The following PTPN4 variants were observed in gnomAD, a reference collection of about 807,000 sequenced individuals.
The protein encoded by PTPN4 is protein tyrosine phosphatase non-receptor type 4, also known as tyrosine-protein phosphatase non-receptor type 4.
In PTPN4, 49 loss-of-function variants were observed where a neutral mutation model predicts 135.5. The observed-to-expected ratio is 0.36, with a 90% CI of 0.29 to 0.46. The LOEUF is 0.46. Ranked by LOEUF, PTPN4 falls within the 20% of genes least tolerant of loss-of-function variation. PTPN4 has a pLI of 1.00. For synonymous variants in PTPN4, 333 were observed against 369.9 expected, an observed-to-expected ratio of 0.90 and a Z score of 1.14; for missense variants, 860 against 1,101.0, an observed-to-expected ratio of 0.78 and a Z score of 3.10.
At chr2:119,895,936 G>T (rs535274617) in intron 9 of PTPN4, among the ~76,000 whole-genome samples, 10 of 151,710 alleles carry the variant, frequency 6.6e-5, no homozygotes, top group African/African-American at 2.4e-4. Flanking sequence ...AAAAAAGAGG[G>T]GATAGCGGTC....
At chr2:119,933,991 T>C (rs1156239318) in intron 14 of PTPN4, among the ~76,000 whole-genome samples, 3 of 152,198 alleles carry the variant, frequency 2.0e-5, no homozygotes, top group Admixed American at 2.0e-4. Flanking sequence ...CACTAAACAA[T>C]AATAGCAAGT....
chr2:119,825,323 T>C (rs1408498017), intron 2 of PTPN4, among the ~76,000 whole-genome samples: 3 of 152,176 alleles, frequency 2.0e-5, no homozygotes, highest in African/African-American at 7.2e-5. Flanking sequence ...AATAGTAATG[T>C]GTGTTTATTA....
At position 119,841,211 on chromosome 2, in the gene PTPN4, TAA is replaced by T. The variant is rs972380035; in HGVS notation, c.139-21324_139-21323del. Among the ~76,000 whole-genome samples, 64 of 152,266 alleles carry T rather than the reference TAA, an allele frequency of 4.2e-4. 1 individual carries two copies. The highest frequency in any genetic ancestry group is 1.5e-3 in the African/African-American group (61 of 41,568). ...TATTTTGAAAAATATTTTTTCTCAT[TAA>T]TAAAACCCTAGAGGGTTTGAAAGTG... is the stretch of plus-strand genomic sequence containing the variant. On this transcript the variant is annotated intron_variant, in intron 2 of 26. Coordinates refer to ENST00000263708, the MANE Select transcript of PTPN4 (RefSeq NM_002830.4).
intron 2 of PTPN4, among the ~76,000 whole-genome samples, chr2:119,819,897 A>G (rs1046986938): frequency 8.5e-5 from 13 of 152,094 alleles, no homozygotes; most frequent in African/African-American, 3.1e-4. Flanking sequence ...GTCTTGCTCT[A>G]TCTTCCAGGA....
At chr2:119,847,329 T>TATA (rs59629850) in intron 2 of PTPN4, among the ~76,000 whole-genome samples, 1,093 of 64,364 alleles carry the variant, frequency 0.017, 12 homozygotes, top group East Asian at 0.037. Context: ...TATATATATA[T>TATA]TTTTTTTTTT....
intron 10 of PTPN4, among the ~76,000 whole-genome samples, chr2:119,902,534 G>A (rs1458531075): frequency 7.2e-5 from 11 of 152,212 alleles, no homozygotes; most frequent in Admixed American, 1.3e-4. Context: ...GAGTCACGGA[G>A]GCACTTGTGT....
intron 18 of PTPN4, 95 bp downstream of exon 18, chr2:119,946,669 C>A: frequency 9.8e-7 from 1 of 1,018,112 alleles, no homozygotes; most frequent in South Asian, 1.6e-5. Context: ...GGAATTTCAT[C>A]ATTTCTTTTA....
intron 2 of PTPN4, among the ~76,000 whole-genome samples, chr2:119,855,368 C>T (rs1379603649): frequency 6.6e-6 from 1 of 152,120 alleles, no homozygotes; most frequent in Non-Finnish European, 1.5e-5. Context: ...TACAAGTTCC[C>T]TTACAAGGCC....
intron 10 of PTPN4, among the ~76,000 whole-genome samples, chr2:119,914,543 ATCATGAAAATATTTAC>A (rs1211652310): frequency 1.3e-5 from 2 of 152,146 alleles, no homozygotes; most frequent in African/African-American, 4.8e-5. Flanking sequence ...ACTTAGAATT[ATCATGAAAATATTTAC>A]TTAGAAGACT....
At chr2:119,769,728 G>T (rs1690700246) in intron 1 of PTPN4, among the ~76,000 whole-genome samples, 1 of 152,214 alleles carries the variant, frequency 6.6e-6, no homozygotes, top group Non-Finnish European at 1.5e-5. Context: ...TTGGGATTAA[G>T]AGAAGGAAAC....
intron 1 of PTPN4, among the ~76,000 whole-genome samples, chr2:119,764,582 A>G (rs567373609): frequency 6.6e-6 from 1 of 152,284 alleles, no homozygotes; most frequent in African/African-American, 2.4e-5. Context: ...AATCCTGGTA[A>G]TAAGTACCCT....
At chr2:119,766,459 T>TG (rs1690628058) in intron 1 of PTPN4, among the ~76,000 whole-genome samples, 2 of 140,848 alleles carry the variant, frequency 1.4e-5, no homozygotes, top group Admixed American at 6.9e-5. Flanking sequence ...CGTGTGTGTG[T>TG]GTGTGTGTGT....
chr2:119,772,232 T>C (rs1019685194), intron 1 of PTPN4, among the ~76,000 whole-genome samples: 1 of 152,158 alleles, frequency 6.6e-6, no homozygotes, highest in African/African-American at 2.4e-5. Context: ...CTAGGGAAAA[T>C]GGAATGTCTT....
chr2:119,958,259 C>T (rs1016857816), intron 22 of PTPN4, among the ~76,000 whole-genome samples: 1 of 150,916 alleles, frequency 6.6e-6, no homozygotes, highest in Non-Finnish European at 1.5e-5. Context: ...ATTGCTTGAG[C>T]CTGAGAGGTT....
intron 24 of PTPN4, 36 bp downstream of exon 24, chr2:119,962,780 G>A: frequency 6.9e-7 from 1 of 1,452,726 alleles, no homozygotes. Flanking sequence ...TAGAACTGTT[G>A]TGTTCAGGGT....
chr2:119,831,484 C>T (rs1360886314), intron 2 of PTPN4, among the ~76,000 whole-genome samples: 2 of 152,130 alleles, frequency 1.3e-5, no homozygotes, highest in South Asian at 2.1e-4. Context: ...CTTATAGGTT[C>T]GTAGAAACTT....
At chr2:119,948,364 A>AGTTTC (rs1679165758) in intron 18 of PTPN4, among the ~76,000 whole-genome samples, 1 of 152,140 alleles carries the variant, frequency 6.6e-6, no homozygotes, top group African/African-American at 2.4e-5. Context: ...GAACACAAAT[A>AGTTTC]GTTTCTTAAC....
chr2:119,981,923 A>G lies in PTPN4; in HGVS notation c.*4853A>G, dbSNP rs191534900. On this transcript the variant is annotated 3_prime_UTR_variant, in exon 27 of 27. Coordinates refer to ENST00000263708, the MANE Select transcript of PTPN4 (RefSeq NM_002830.4). ...TATTGATTTCTGAAGTTATAATCAT[A>G]ATTTTTATTTTAGTAATCCAAGCTA... 4 of 152,140 alleles carry G rather than the reference A, an allele frequency of 2.6e-5. No individual in the cohort carries two copies. Among genetic ancestry groups the G allele is most frequent in the Admixed American group, 2.6e-4 (4 of 15,266 alleles). 9.4% of individuals were successfully genotyped at this position (152,140 alleles called of 1,614,324 possible).
chr2:119,777,525 A>C (rs1690858989), intron 1 of PTPN4, among the ~76,000 whole-genome samples: 2 of 152,164 alleles, frequency 1.3e-5, no homozygotes, highest in Admixed American at 6.5e-5. Context: ...GAGGTACTTA[A>C]TAGATATGTT....
Sources: gnomAD v4.1 joint callset for allele counts (sites outside exome capture counted in the v4.1 genomes callset) on GRCh38, gnomAD v4.1.1 for gene constraint, MANE v1.5 for transcripts, NCBI Gene and HGNC (gene_info 2026-07-23, HGNC 2026-07-21) for gene names.